The following NWD2 variants were observed in gnomAD, a reference collection of about 807,000 sequenced individuals.
NWD2 encodes NACHT and WD repeat domain containing 2, also known as NACHT and WD repeat domain-containing protein 2.
NWD2 carries 37 observed loss-of-function variants against 132.7 expected under a neutral mutation model. That is an observed-to-expected ratio of 0.28 (90% confidence interval 0.21 to 0.37). The LOEUF (loss-of-function observed/expected upper bound fraction) is 0.37. Ranked by LOEUF, NWD2 falls within the 10% of genes least tolerant of loss-of-function variation. The probability of loss-of-function intolerance (pLI) is 1.00; values close to 1 mark genes in which losing one functional copy is unlikely to be tolerated. For synonymous variants in NWD2, 705 were observed against 803.0 expected, an observed-to-expected ratio of 0.88 and a Z score of 2.06; for missense variants, 1,592 against 2,122.4, an observed-to-expected ratio of 0.75 and a Z score of 4.91.
chr4:37,271,237 T>G, intron 1 of NWD2, among the ~76,000 whole-genome samples: 1 of 151,830 alleles, frequency 6.6e-6, no homozygotes, highest in East Asian at 1.9e-4. Flanking sequence ...CTTCTAATTT[T>G]CCATGTAAAT....
intron 1 of NWD2, among the ~76,000 whole-genome samples, chr4:37,271,538 T>C (rs1206309223): frequency 6.6e-6 from 1 of 151,834 alleles, no homozygotes; most frequent in Non-Finnish European, 1.5e-5. Context: ...ATATTGACCT[T>C]AAATGCCTTG....
Position 37,446,509 on chromosome 4 carries a change from T to A in NWD2, c.4521T>A (p.Ser1507Arg). ...ITSAETVNIW[S>R]LTDEVICRRV... ...CGGCCGAGACTGTGAACATCTGGAG[T>A]CTGACAGATGAAGTGATCTGTCGGC... Residue 1507 changes from serine (S) to arginine (R), a missense_variant, in exon 7 of 7, where the codon AGT becomes AGA. Physicochemically the swap from Ser to Arg is moderately radical, Grantham distance 110. This residue lies in a region of NWD2 where 257 missense variants were observed against 335.0 expected (regional missense o/e 0.77). Coordinates refer to ENST00000309447, the MANE Select transcript of NWD2 (RefSeq NM_001144990.2). This position sits in a 1 kb window ranked among gnomAD's most constrained non-coding sequence, Gnocchi z 6.7. 6.4e-6 allele frequency: 10 copies of A among 1,551,590 alleles called. No individual in the cohort carries two copies. Among genetic ancestry groups the A allele is most frequent in the Non-Finnish European group, 7.8e-6 (9 of 1,146,950 alleles).
chr4:37,311,395 C>A (rs545204023), intron 1 of NWD2, among the ~76,000 whole-genome samples: 1 of 151,964 alleles, frequency 6.6e-6, no homozygotes, highest in Admixed American at 6.5e-5. Flanking sequence ...TGATGATGAG[C>A]ATTTTTTCAT....
chr4:37,408,407 A>G (rs984040440), intron 3 of NWD2, among the ~76,000 whole-genome samples: 4 of 152,220 alleles, frequency 2.6e-5, no homozygotes, highest in African/African-American at 9.6e-5. Context: ...AGTGTAAACA[A>G]AGCCGCTGGA....
In NWD2 at chr4:37,444,122, A is replaced by C; in HGVS notation, c.2134A>C (p.Lys712Gln). 6.4e-7 allele frequency: 1 copy of C among 1,551,804 alleles called. No homozygotes were observed. The highest frequency in any genetic ancestry group is 2.0e-5 in the Admixed American group (1 of 51,006). ...ACCTTACTTGTACATTGCAAGGCTC[A>C]AGGAGGGTCTCAGTGGATACCTAAT... ...RVPYLYIARL[K>Q]EGLSGYLIER... Residue 712 changes from lysine to glutamine, a missense_variant, in exon 7 of 7, where the codon AAG (lysine) becomes CAG (glutamine). Lys to Gln is a moderately conservative substitution (Grantham distance 53). This residue lies in a region of NWD2 where 1,071 missense variants were observed against 1,398.0 expected (regional missense o/e 0.77). Transcript: ENST00000309447. This position sits in a 1 kb window ranked among gnomAD's most constrained non-coding sequence, Gnocchi z 4.8.
At chr4:37,298,091 TG>T (rs2109275273) in intron 1 of NWD2, among the ~76,000 whole-genome samples, 1 of 152,198 alleles carries the variant, frequency 6.6e-6, no homozygotes, top group South Asian at 2.1e-4. Flanking sequence ...TGTGATTATT[TG>T]GGGGAAGTTT....
intron 1 of NWD2, among the ~76,000 whole-genome samples, chr4:37,294,505 C>T (rs2109273715): frequency 6.6e-6 from 1 of 152,234 alleles, no homozygotes; most frequent in Non-Finnish European, 1.5e-5. Context: ...CATCTCACCT[C>T]CTGCTTATTA....
chr4:37,342,718 C>G lies in NWD2; in HGVS notation c.241-13648C>G, dbSNP rs117635241. ...TTGGTTCATGGTCAAGGGTTCAGTT[C>G]TTCCTTACTATCATGTTATATTAGG... On this transcript the variant is annotated intron_variant, in intron 2 of 6. Transcript: ENST00000309447. Among the ~76,000 whole-genome samples the G allele has an allele frequency of 1.4e-4, 21 of 152,302 alleles. No individual in the cohort carries two copies. The East Asian group carries it at 4.1e-3, about 29-fold the overall frequency.
At chr4:37,256,042 C>T (rs989023269) in intron 1 of NWD2, among the ~76,000 whole-genome samples, 1 of 152,194 alleles carries the variant, frequency 6.6e-6, no homozygotes. Context: ...TAGGACATAT[C>T]CTGGAAGTCG....
chr4:37,326,252 A>G (rs929971904), intron 2 of NWD2, among the ~76,000 whole-genome samples: 1 of 152,154 alleles, frequency 6.6e-6, no homozygotes. Flanking sequence ...GTATGGGCTC[A>G]TCTTTTTCTT....
chr4:37,351,985 G>T (rs1392520429), intron 2 of NWD2, among the ~76,000 whole-genome samples: 2 of 152,166 alleles, frequency 1.3e-5, no homozygotes, highest in Non-Finnish European at 2.9e-5. Context: ...TAGTTGTGCG[G>T]TTTTGAGTGA....
intron 3 of NWD2, among the ~76,000 whole-genome samples, chr4:37,385,384 T>C (rs1720538952): frequency 6.6e-6 from 1 of 152,058 alleles, no homozygotes; most frequent in South Asian, 2.1e-4. Context: ...GGCAAGTGGG[T>C]TTGCTAAAAT....
At chr4:37,264,490 C>T (rs1717709742) in intron 1 of NWD2, among the ~76,000 whole-genome samples, 1 of 151,992 alleles carries the variant, frequency 6.6e-6, no homozygotes, top group Non-Finnish European at 1.5e-5. Context: ...AGATTTTTTG[C>T]CCAAGGAGGT....
rs1300362133 is a variant in NWD2 at position 37,447,110 on chromosome 4, T to C, written c.5122T>C (p.Ser1708Pro). Reference protein sequence around the residue: ...ARDSPITVSDSTESNEATPSK... With the variant: ...ARDSPITVSDPTESNEATPSK... ...AGACAGCCCCATCACAGTTAGTGAC[T>C]CTACTGAGTCCAATGAAGCAACACC... Residue 1708 changes from serine (S) to proline (P), a missense_variant, in exon 7 of 7, where the codon TCT (serine) becomes CCT (proline). By Grantham distance (74) the Ser-to-Pro change is moderately conservative. Coordinates refer to ENST00000309447, the MANE Select transcript of NWD2 (RefSeq NM_001144990.2). The C allele has an allele frequency of 1.9e-6, 3 of 1,551,422 alleles. No individual in the cohort carries two copies. The highest frequency in any genetic ancestry group is 2.6e-6 in the Non-Finnish European group (3 of 1,146,994).
Position 37,446,798 on chromosome 4 carries a change from C to T in NWD2, c.4810C>T (p.Leu1604=). The change falls in exon 7 of 7, where the codon CTG becomes TTG. Residue 1604 remains leucine, a synonymous_variant. Transcript: ENST00000309447. This position sits in a 1 kb window ranked among gnomAD's most constrained non-coding sequence, Gnocchi z 6.7. ...AATATTCAGTTTAATTGTAATGAGACTGGCAGATGGCAAAAATATCGGTGC... is the reference window on the plus strand; with the variant it reads ...AATATTCAGTTTAATTGTAATGAGATTGGCAGATGGCAAAAATATCGGTGC... ...GAIFSLIVMR[L]ADGKNIGACS... is the part of the protein sequence containing the mutation. 6.4e-7 allele frequency: 1 copy of T among 1,551,862 alleles called. No individual in the cohort carries two copies. The highest frequency in any genetic ancestry group is 8.7e-7 in the Non-Finnish European group (1 of 1,147,064).
Position 37,445,693 on chromosome 4 carries a change from A to G in NWD2, c.3705A>G (p.Ile1235Met). The G allele has an allele frequency of 1.3e-6, 2 of 1,552,024 alleles. No individual in the cohort carries two copies. The highest frequency in any genetic ancestry group is 1.7e-6 in the Non-Finnish European group (2 of 1,147,070). The change falls in exon 7 of 7, where the codon ATA becomes ATG. Residue 1235 changes from isoleucine to methionine, a missense_variant. Transcript: ENST00000309447. This position sits in a 1 kb window ranked among gnomAD's most constrained non-coding sequence, Gnocchi z 4.7. ...KFRAKHNERF[I>M]SAVLSKNGDC... is the part of the protein sequence containing the mutation. ...GAGCCAAGCACAACGAACGCTTTATATCTGCCGTGCTGTCTAAAAATGGAG... is the reference window on the plus strand; with the variant it reads ...GAGCCAAGCACAACGAACGCTTTATGTCTGCCGTGCTGTCTAAAAATGGAG...
intron 1 of NWD2, among the ~76,000 whole-genome samples, chr4:37,250,372 T>C (rs1207464780): frequency 6.6e-6 from 1 of 152,220 alleles, no homozygotes; most frequent in Admixed American, 6.5e-5. Flanking sequence ...CAGATATTTA[T>C]AGCTAGACTT....
At chr4:37,372,695 A>G (rs958771798) in intron 3 of NWD2, among the ~76,000 whole-genome samples, 3 of 152,148 alleles carry the variant, frequency 2.0e-5, no homozygotes, top group East Asian at 1.9e-4. Context: ...CCCAGTTCCA[A>G]TCCATGTTTG....
intron 3 of NWD2, among the ~76,000 whole-genome samples, chr4:37,408,292 G>T (rs11935899): frequency 6.6e-6 from 1 of 152,086 alleles, no homozygotes; most frequent in South Asian, 2.1e-4. Flanking sequence ...TGAAATTCTC[G>T]CTGCCAGCAC....
Sources: allele counts gnomAD v4.1 joint callset (sites outside exome capture counted in the v4.1 genomes callset), GRCh38; gene constraint gnomAD v4.1.1; regional missense constraint gnomAD v4.1.1; non-coding constraint Gnocchi (gnomAD v3.1); transcripts MANE v1.5; gene names NCBI Gene and HGNC (gene_info 2026-07-23, HGNC 2026-07-21).